Variants in THAP3 observed in about 807,000 individuals in gnomAD.
THAP3 encodes THAP domain-containing protein 3.
In THAP3, 12 loss-of-function variants were observed where a neutral mutation model predicts 17.7. The ratio of observed to expected loss-of-function variants is 0.68; its 90% CI spans 0.43 to 1.10. The LOEUF is 1.10. Ranked by LOEUF, THAP3 falls within the 50% of genes least tolerant of loss-of-function variation. THAP3 has a pLI of 0.00. For missense variants in THAP3, 289 were observed against 318.0 expected, an observed-to-expected ratio of 0.91 and a Z score of 0.69; for synonymous variants, 133 against 126.9, an observed-to-expected ratio of 1.05 and a Z score of -0.32.
downstream of THAP3, chr1:6,634,493 C>T (rs566176860): frequency 2.2e-5 from 29 of 1,338,700 alleles, no homozygotes; most frequent in African/African-American, 1.6e-4. Flanking sequence ...GGCTGGAGGC[C>T]GGCGCAGCTT....
intron 1 of THAP3, 44 bp downstream of exon 1, chr1:6,624,998 C>A (rs1341550234): frequency 3.6e-6 from 2 of 549,318 alleles, no homozygotes; most frequent in Admixed American, 7.0e-5. Flanking sequence ...GGGTTTCGGG[C>A]CTGAATTGGG....
In THAP3 at chr1:6,633,018, C is replaced by T. The variant is rs539489716; in HGVS notation, c.661C>T (p.Arg221Cys). Residue 221 changes from arginine (R) to cysteine (C), a missense_variant, in exon 6 of 6, where the codon CGT becomes TGT. Coordinates refer to ENST00000054650, the MANE Select transcript of THAP3 (RefSeq NM_001195753.2). ...LVMRRMSSRL[R>C]ACKGHQGLQA... ...GATGCGAAGGATGTCCAGCCGCCTC[C>T]GTGCTTGCAAAGGGCACCAGGGACT... 1.3e-4 allele frequency: 213 copies of T among 1,612,072 alleles called. 1 individual carries two copies. The highest frequency in any genetic ancestry group is 4.8e-4 in the South Asian group (44 of 91,006).
chr1:6,633,831 A>G (rs1362695393), downstream of THAP3, among the ~76,000 whole-genome samples: 1 of 151,982 alleles, frequency 6.6e-6, no homozygotes, highest in East Asian at 1.9e-4. Context: ...GATCAGCTGA[A>G]CCCGGGAGGT....
rs1389739213 is a variant in THAP3, at chr1:6,625,131, GCCCCGCCCCT to G, written c.-69-12_-69-3del. 5.7e-6 allele frequency: 8 copies of G among 1,404,902 alleles called. No individual in the cohort carries two copies. In the Admixed American group the frequency reaches 1.7e-4, roughly 29 times the overall value. The allele number at this position is 1,404,902 out of a possible 1,614,324, so 87.0% of individuals were successfully genotyped here. On this transcript the variant is annotated splice_polypyrimidine_tract_variant and intron_variant, in intron 1 of 5. Coordinates refer to ENST00000054650, the MANE Select transcript of THAP3 (RefSeq NM_001195753.2). ...CCAGGCCCGTCACCACCTCCCAGCG[GCCCCGCCCCT>G]CCCCGCAGGTCCCTCCCCTCTCCGC...
rs371391569 is a variant in THAP3, at chr1:6,632,877, C to A, written c.520C>A (p.Gln174Lys). The change falls in exon 6 of 6, where the codon CAG becomes AAG. Residue 174 changes from glutamine (Q) to lysine (K), a missense_variant. Gln to Lys is a moderately conservative substitution (Grantham distance 53). Transcript: ENST00000054650. ...PAGLRRTPNK[Q>K]PSDHSYALLD... ...AGGCCTGAGAAGGACCCCCAACAAG[C>A]AGCCATCTGATCACAGCTATGCCCT... 12 of 1,612,862 alleles carry A rather than the reference C, an allele frequency of 7.4e-6. No individual in the cohort carries two copies. In the African/African-American group the frequency reaches 1.3e-4, roughly 18 times the overall value.
chr1:6,635,394 G>A, downstream of THAP3: 1 of 409,514 alleles, frequency 2.4e-6, no homozygotes, highest in Non-Finnish European at 4.4e-6. Context: ...GGACACAGCG[G>A]AGTCAGGGCC....
downstream of THAP3, chr1:6,634,925 A>C: frequency 8.7e-7 from 1 of 1,144,442 alleles, no homozygotes; most frequent in Non-Finnish European, 1.1e-6. Context: ...CAGGCGGTGG[A>C]GGGACACAGG....
chr1:6,630,441 G>A (rs1641578994), intron 4 of THAP3, 88 bp downstream of exon 4: 30 of 1,384,672 alleles, frequency 2.2e-5, no homozygotes, highest in African/African-American at 5.7e-5. Context: ...AGGCCGGCCC[G>A]CAGGGCTGTC....
At chr1:6,625,754 C>T (rs1027891437) in intron 2 of THAP3, among the ~76,000 whole-genome samples, 10 of 151,868 alleles carry the variant, frequency 6.6e-5, no homozygotes, top group African/African-American at 1.9e-4. Flanking sequence ...TCGCCCGGCC[C>T]GGCCCGGCCC....
intron 2 of THAP3, 80 bp downstream of exon 2, chr1:6,625,372 C>A: frequency 7.4e-7 from 1 of 1,357,462 alleles, no homozygotes; most frequent in Non-Finnish European, 9.6e-7. Flanking sequence ...GCGCGCCGGG[C>A]GGGAGGCCCA....
chr1:6,625,296 A>C lies in THAP3; in HGVS notation c.74+4A>C. On this transcript the variant is annotated splice_donor_region_variant and intron_variant, in intron 2 of 5. Coordinates refer to ENST00000054650, the MANE Select transcript of THAP3 (RefSeq NM_001195753.2). ...GGAAGCAGCTCACCTTCCACCGGTA[A>C]GAGGCGGGGACCCGGGGGCGCGGGA... 3 of 1,534,126 alleles carry C rather than the reference A, an allele frequency of 2.0e-6. No homozygotes were observed. Among genetic ancestry groups the C allele is most frequent in the Non-Finnish European group, 2.6e-6 (3 of 1,142,476 alleles).
chr1:6,634,588 T>C (rs763333669), downstream of THAP3: 4 of 1,366,144 alleles, frequency 2.9e-6, no homozygotes, highest in South Asian at 4.6e-5. Context: ...TGGCTGCCAC[T>C]TCCAGGCCCC....
chr1:6,634,937 C>T, downstream of THAP3: 1 of 1,101,678 alleles, frequency 9.1e-7, no homozygotes, highest in East Asian at 6.0e-5. Context: ...GGACACAGGC[C>T]AGCTCAAGCC....
At position 6,632,444 on chromosome 1, in the gene THAP3, T is replaced by C; in HGVS notation, c.387T>C (p.Thr129=). Residue 129 remains threonine (T), a synonymous_variant, in exon 5 of 6, where the codon ACT becomes ACC. Transcript: ENST00000054650. Reference sequence around the variant, plus strand: ...ACAGTCCTGGGAGAAACATGGACACTGCACTTGAAGAGCTTCAGTTGCCCC... The same window carrying C: ...ACAGTCCTGGGAGAAACATGGACACCGCACTTGAAGAGCTTCAGTTGCCCC... The part of the protein sequence containing the change: ...GEDSPGRNMD[T]ALEELQLPPN... 10 of 1,614,158 alleles carry C rather than the reference T, an allele frequency of 6.2e-6. No homozygotes were observed. Among genetic ancestry groups the C allele is most frequent in the Non-Finnish European group, 6.8e-6 (8 of 1,180,022 alleles).
downstream of THAP3, chr1:6,635,447 TG>T: frequency 1.9e-6 from 1 of 523,626 alleles, no homozygotes; most frequent in Non-Finnish European, 3.4e-6. Flanking sequence ...AAAACAGCCA[TG>T]GGCCAGGCTG....
At chr1:6,626,199 G>C (rs975402161) in intron 2 of THAP3, among the ~76,000 whole-genome samples, 3 of 152,028 alleles carry the variant, frequency 2.0e-5, no homozygotes, top group African/African-American at 2.4e-5. Context: ...AGTCCCAGCT[G>C]CTCGGGAGAC....
chr1:6,629,031 A>G (rs541608556), intron 3 of THAP3, among the ~76,000 whole-genome samples: 10 of 152,314 alleles, frequency 6.6e-5, no homozygotes, highest in Admixed American at 5.9e-4. Context: ...TTGAAACCCC[A>G]TTTCTACTAA....
At chr1:6,626,369 C>T (rs1182769574) in intron 2 of THAP3, among the ~76,000 whole-genome samples, 3 of 152,006 alleles carry the variant, frequency 2.0e-5, no homozygotes, top group African/African-American at 7.3e-5. Flanking sequence ...CCCTCCCAGG[C>T]CCTCCTCCTC....
chr1:6,625,053 C>G (rs979914714), intron 1 of THAP3, 97 bp from the exon 2 acceptor site: 1 of 752,138 alleles, frequency 1.3e-6, no homozygotes, highest in Middle Eastern at 3.9e-4. Flanking sequence ...CCGTCCGACC[C>G]TGGGGAGACG....
Sources: allele counts gnomAD v4.1 joint callset (sites outside exome capture counted in the v4.1 genomes callset), GRCh38; gene constraint gnomAD v4.1.1; transcripts MANE v1.5; gene names NCBI Gene and HGNC (gene_info 2026-07-23, HGNC 2026-07-21).